RTL4: variants seen among roughly 807,000 people sequenced by gnomAD.
The protein encoded by RTL4 is retrotransposon Gag-like protein 4.
In RTL4, 4 loss-of-function variants were observed where a neutral mutation model predicts 5.3. The ratio of observed to expected loss-of-function variants is 0.75; its 90% CI spans 0.37 to 1.72. RTL4 has a LOEUF of 1.72. Among genes scored for constraint, RTL4 ranks in the 40% most tolerant of loss-of-function variants. The pLI, the probability that RTL4 is intolerant of heterozygous loss-of-function variation, is 0.04. For missense variants in RTL4, 260 were observed against 227.1 expected (o/e 1.14, Z -0.93); for synonymous variants, 98 against 87.3 (o/e 1.12, Z -0.68).
chrX:112,261,859 A>AACAGAAC, the RTL4 span, among the ~76,000 whole-genome samples: 12 of 111,664 alleles, frequency 1.1e-4, no homozygotes, highest in South Asian at 3.7e-3. Context: ...AGACCAATGG[A>AACAGAAC]ACAGAACAGA....
At chrX:112,306,721 G>A in the RTL4 span, among the ~76,000 whole-genome samples, 1 of 111,684 alleles carries the variant, frequency 9.0e-6, no homozygotes, top group Non-Finnish European at 1.9e-5. Flanking sequence ...GTCCTATGCT[G>A]GCTTCATGTA....
At chrX:112,322,551 A>G in the RTL4 span, among the ~76,000 whole-genome samples, 47 of 111,264 alleles carry the variant, frequency 4.2e-4, no homozygotes, top group Non-Finnish European at 7.0e-4. Flanking sequence ...TTTAAATGTC[A>G]TGTGTAGAGA....
At chrX:112,326,507 C>T in the RTL4 span, among the ~76,000 whole-genome samples, 1 of 111,916 alleles carries the variant, frequency 8.9e-6, no homozygotes, top group Non-Finnish European at 1.9e-5. Flanking sequence ...GGGTCCTACG[C>T]CCACGGAGTC....
the RTL4 span, among the ~76,000 whole-genome samples, chrX:112,342,436 A>C: frequency 0.042 from 4,585 of 110,381 alleles, 246 homozygotes; most frequent in African/African-American, 0.14. Context: ...AACCAACCAC[A>C]TAATTCTAGA....
At chrX:112,439,441 C>T in the RTL4 span, among the ~76,000 whole-genome samples, 11 of 111,768 alleles carry the variant, frequency 9.8e-5, no homozygotes, top group African/African-American at 3.6e-4. Flanking sequence ...CAGAGTCCAT[C>T]ACTTGCCCTC....
the RTL4 span, among the ~76,000 whole-genome samples, chrX:112,380,673 G>A: frequency 1.8e-5 from 2 of 112,363 alleles, no homozygotes; most frequent in African/African-American, 6.5e-5. Flanking sequence ...TCTGGGCTGC[G>A]AACGAAAACA....
At chrX:112,386,988 C>G in the RTL4 span, among the ~76,000 whole-genome samples, 1 of 109,921 alleles carries the variant, frequency 9.1e-6, no homozygotes, top group Non-Finnish European at 1.9e-5. Context: ...TATAAGTGTT[C>G]CCTTTTCACC....
chrX:112,362,843 T>C, the RTL4 span, among the ~76,000 whole-genome samples: 1 of 111,016 alleles, frequency 9.0e-6, no homozygotes, highest in Non-Finnish European at 1.9e-5. Flanking sequence ...GTTCATGCCC[T>C]AGGAAATCCT....
At chrX:112,446,905 C>A in the RTL4 span, among the ~76,000 whole-genome samples, 1 of 111,934 alleles carries the variant, frequency 8.9e-6, no homozygotes, top group South Asian at 3.7e-4. Context: ...AGTAAAACCA[C>A]CTCTGCTAAA....
the RTL4 span, among the ~76,000 whole-genome samples, chrX:112,088,580 A>G: frequency 2.7e-5 from 3 of 112,135 alleles, no homozygotes; most frequent in South Asian, 1.1e-3. Flanking sequence ...TACCTAAGAG[A>G]GGAATTGCTG....
At chrX:112,230,778 G>C in the RTL4 span, among the ~76,000 whole-genome samples, 1 of 111,574 alleles carries the variant, frequency 9.0e-6, no homozygotes, top group Non-Finnish European at 1.9e-5. Context: ...ACCACCATCA[G>C]AGTGAACAGG....
the RTL4 span, among the ~76,000 whole-genome samples, chrX:112,428,851 C>T: frequency 2.2e-4 from 25 of 111,586 alleles, no homozygotes; most frequent in Admixed American, 2.4e-3. Context: ...GGCACATATA[C>T]ACTAAAGATT....
the RTL4 span, among the ~76,000 whole-genome samples, chrX:112,410,198 C>T: frequency 8.9e-6 from 1 of 111,946 alleles, no homozygotes; most frequent in African/African-American, 3.2e-5. Context: ...AATGTATATG[C>T]ACCCAACACT....
At chrX:112,434,321 C>T in the RTL4 span, among the ~76,000 whole-genome samples, 5 of 109,903 alleles carry the variant, frequency 4.5e-5, no homozygotes, top group African/African-American at 1.7e-4. Flanking sequence ...CCAGTTCCTC[C>T]TTGTACCTCT....
the RTL4 span, among the ~76,000 whole-genome samples, chrX:112,368,939 A>G: frequency 4.5e-3 from 508 of 112,806 alleles, 4 homozygotes; most frequent in African/African-American, 0.015. Flanking sequence ...TTTCAAGAGT[A>G]TTGGAATGAA....
chrX:112,221,678 G>A, the RTL4 span, among the ~76,000 whole-genome samples: 1 of 112,493 alleles, frequency 8.9e-6, no homozygotes, highest in Non-Finnish European at 1.9e-5. Flanking sequence ...TCAGAGGGAT[G>A]GCTTCAGTCT....
chrX:112,233,522 T>G, the RTL4 span, among the ~76,000 whole-genome samples: 1 of 111,326 alleles, frequency 9.0e-6, no homozygotes, highest in East Asian at 2.8e-4. Context: ...TATTTGTTAC[T>G]GAAAAAAGAG....
the RTL4 span, among the ~76,000 whole-genome samples, chrX:112,228,258 G>A: frequency 4.5e-5 from 5 of 111,150 alleles, no homozygotes; most frequent in Non-Finnish European, 9.4e-5. Flanking sequence ...GTTGAGGAGA[G>A]CGGTAGCTGA....
chrX:112,202,830 A>T, the RTL4 span, among the ~76,000 whole-genome samples: 2 of 110,785 alleles, frequency 1.8e-5, no homozygotes, highest in Non-Finnish European at 3.8e-5. Flanking sequence ...TTAGTTTTAT[A>T]AAAAAACTGT....
Sources: gnomAD v4.1 joint callset for allele counts (sites outside exome capture counted in the v4.1 genomes callset) on GRCh38, gnomAD v4.1.1 for gene constraint, MANE v1.5 for transcripts, NCBI Gene and HGNC (gene_info 2026-07-23, HGNC 2026-07-21) for gene names.